DLC1: variants seen among roughly 807,000 people sequenced by gnomAD.
DLC1 encodes rho GTPase-activating protein 7.
In DLC1, 54 loss-of-function variants were observed where a neutral mutation model predicts 140.3. That is an observed-to-expected ratio of 0.38 (90% CI 0.31 to 0.48). The LOEUF (loss-of-function observed/expected upper bound fraction) is 0.48. Ranked by LOEUF, DLC1 falls within the 20% of genes least tolerant of loss-of-function variation. The probability of loss-of-function intolerance (pLI) is 0.96; values close to 1 mark genes in which losing one functional copy is unlikely to be tolerated. For synonymous variants in DLC1, 986 were observed against 728.1 expected (o/e 1.35, Z -5.70); for missense variants, 2,536 against 1,907.0 (o/e 1.33, Z -6.14).
At chr8:13,413,353 G>A (rs900119493) in intron 2 of DLC1, among the ~76,000 whole-genome samples, 6 of 141,178 alleles carry the variant, frequency 4.2e-5, no homozygotes, top group South Asian at 2.3e-4. Flanking sequence ...AATGTGGCCC[G>A]GGGAAGCCAA....
At chr8:13,256,483 A>T (rs572921041) in intron 5 of DLC1, among the ~76,000 whole-genome samples, 1 of 152,340 alleles carries the variant, frequency 6.6e-6, no homozygotes, top group South Asian at 2.1e-4. Context: ...AATGTCCATC[A>T]GTGATAGACT....
At chr8:13,305,373 C>A in intron 4 of DLC1, 71 bp from the exon 5 acceptor site, 3 of 1,457,236 alleles carry the variant, frequency 2.1e-6, no homozygotes, top group South Asian at 1.4e-5. Flanking sequence ...AGAAATAAAA[C>A]GAAGTGTAAT....
chr8:13,097,701 C>T (rs1818621636), intron 10 of DLC1, among the ~76,000 whole-genome samples: 1 of 152,150 alleles, frequency 6.6e-6, no homozygotes, highest in Non-Finnish European at 1.5e-5. Context: ...ACTGTGCATA[C>T]ATTTACTTAT....
At chr8:13,320,793 T>C (rs919588) in intron 4 of DLC1, among the ~76,000 whole-genome samples, 143,595 of 152,284 alleles carry the variant, frequency 0.94, 68,034 homozygotes, top group East Asian at 1. Flanking sequence ...GGCAGGAGGA[T>C]TGCTTGAGGC....
intron 5 of DLC1, among the ~76,000 whole-genome samples, chr8:13,201,583 C>T (rs916488148): frequency 1.3e-5 from 2 of 151,898 alleles, no homozygotes; most frequent in Non-Finnish European, 2.9e-5. Context: ...CCACAGTCAC[C>T]ATTCAAGTTA....
intron 5 of DLC1, among the ~76,000 whole-genome samples, chr8:13,250,088 C>G (rs1443858630): frequency 6.6e-6 from 1 of 152,188 alleles, no homozygotes; most frequent in African/African-American, 2.4e-5. Flanking sequence ...GGATTGCATT[C>G]ATTGTTGTGT....
At chr8:13,465,700 C>A (rs1197147973) in intron 2 of DLC1, among the ~76,000 whole-genome samples, 1 of 152,092 alleles carries the variant, frequency 6.6e-6, no homozygotes, top group African/African-American at 2.4e-5. Context: ...TTTCCTTATA[C>A]TGTGTTTCTC....
intron 1 of DLC1, among the ~76,000 whole-genome samples, chr8:13,596,243 A>C (rs900095858): frequency 6.6e-6 from 1 of 152,020 alleles, no homozygotes. Context: ...ACCTTTAAAA[A>C]TGGCTTTCCA....
At chr8:13,460,815 C>A (rs889859788) in intron 2 of DLC1, among the ~76,000 whole-genome samples, 1 of 152,182 alleles carries the variant, frequency 6.6e-6, no homozygotes, top group African/African-American at 2.4e-5. Context: ...GCAATAAGCG[C>A]CTGTGCTCTG....
chr8:13,581,621 T>C (rs534120844), intron 1 of DLC1, among the ~76,000 whole-genome samples: 4 of 152,364 alleles, frequency 2.6e-5, no homozygotes, highest in Admixed American at 2.0e-4. Context: ...TTGAATTACA[T>C]GTCTAACTGG....
intron 4 of DLC1, among the ~76,000 whole-genome samples, chr8:13,321,911 A>G (rs908255046): frequency 6.6e-6 from 1 of 152,114 alleles, no homozygotes; most frequent in Admixed American, 6.6e-5. Flanking sequence ...TGTGTTGTCT[A>G]TTTTTAATTC....
At chr8:13,495,038 T>C (rs910726175) in intron 2 of DLC1, among the ~76,000 whole-genome samples, 8 of 152,302 alleles carry the variant, frequency 5.3e-5, no homozygotes, top group Middle Eastern at 3.4e-3. Flanking sequence ...AAGGTTTTTG[T>C]TGGAATGTAG....
At chr8:13,506,950 C>T (rs991717043) in intron 1 of DLC1, among the ~76,000 whole-genome samples, 55 of 152,208 alleles carry the variant, frequency 3.6e-4, no homozygotes, top group African/African-American at 1.3e-3. Flanking sequence ...TTAGCCTACT[C>T]TTGGGGACTC....
At chr8:13,138,760 C>T (rs1302368980) in intron 5 of DLC1, among the ~76,000 whole-genome samples, 1 of 152,208 alleles carries the variant, frequency 6.6e-6, no homozygotes, top group Admixed American at 6.5e-5. Context: ...CCCCCACTCT[C>T]TACCCTACCT....
intron 3 of DLC1, among the ~76,000 whole-genome samples, chr8:13,398,733 G>A (rs1837163386): frequency 6.6e-6 from 1 of 152,194 alleles, no homozygotes; most frequent in Non-Finnish European, 1.5e-5. Context: ...CTAAGTGAGA[G>A]TCTGAATAAC....
intron 5 of DLC1, among the ~76,000 whole-genome samples, chr8:13,240,921 C>G (rs1387900634): frequency 6.6e-6 from 1 of 152,070 alleles, no homozygotes; most frequent in East Asian, 1.9e-4. Flanking sequence ...TGTTTGGACA[C>G]TATTTGGCTC....
chr8:13,396,302 G>C (rs867126379), intron 3 of DLC1, among the ~76,000 whole-genome samples: 1 of 152,030 alleles, frequency 6.6e-6, no homozygotes, highest in Non-Finnish European at 1.5e-5. Flanking sequence ...CTCGTGATCC[G>C]TCCGTCTCAG....
At chr8:13,200,268 T>G (rs531580739) in intron 5 of DLC1, among the ~76,000 whole-genome samples, 1 of 152,202 alleles carries the variant, frequency 6.6e-6, no homozygotes, top group African/African-American at 2.4e-5. Flanking sequence ...TTCACTATGT[T>G]GGCCAGGCTT....
At chr8:13,456,228 G>A (rs977221676) in intron 2 of DLC1, among the ~76,000 whole-genome samples, 1 of 152,136 alleles carries the variant, frequency 6.6e-6, no homozygotes, top group South Asian at 2.1e-4. Context: ...ACTGAATGTT[G>A]CATTGCTGTA....
Sources: allele counts gnomAD v4.1 joint callset (sites outside exome capture counted in the v4.1 genomes callset), GRCh38; gene constraint gnomAD v4.1.1; transcripts MANE v1.5; gene names NCBI Gene and HGNC (gene_info 2026-07-23, HGNC 2026-07-21).